The following TSC1 variants were observed in gnomAD, a reference collection of about 807,000 sequenced individuals.
TSC1 encodes the protein TSC complex subunit 1.
In TSC1, 20 loss-of-function variants were observed where a neutral mutation model predicts 124.3. The ratio of observed to expected loss-of-function variants is 0.16; its 90% CI spans 0.11 to 0.23. TSC1 has a LOEUF of 0.23. Among genes scored for constraint, TSC1 ranks in the 10% least tolerant of loss-of-function variants. The pLI is 1.00. For synonymous variants in TSC1, 493 were observed against 539.1 expected, an observed-to-expected ratio of 0.91 and a Z score of 1.19; for missense variants, 1,124 against 1,448.5, an observed-to-expected ratio of 0.78 and a Z score of 3.64.
At chr9:132,927,172 T>A in intron 4 of TSC1, 29 bp downstream of exon 4, 1 of 1,606,302 alleles carries the variant, frequency 6.2e-7, no homozygotes, top group Non-Finnish European at 8.5e-7. Context: ...GAAGAACATA[T>A]GAAATGCCTA....
Position 132,897,612 on chromosome 9 carries a change from T to TCAA in TSC1, c.2626-3_2626-2insTTG. On this transcript the variant is annotated splice_region_variant and splice_polypyrimidine_tract_variant and intron_variant, in intron 20 of 22. Coordinates refer to ENST00000298552, the MANE Select transcript of TSC1 (RefSeq NM_000368.5). The stretch of plus-strand genomic sequence containing the variant: ...GGCGGCTTTCATCATTTCTACTTCC[T>TCAA]GAAAAAAAAAAAAAAAAAAGACTGG... 2.2e-6 allele frequency: 2 copies of TCAA among 914,532 alleles called. No homozygotes were observed. Among genetic ancestry groups the TCAA allele is most frequent in the Non-Finnish European group, 2.9e-6 (2 of 685,776 alleles). The allele number at this position is 914,532 out of a possible 1,614,324, so 56.7% of individuals were successfully genotyped here. A position where few individuals can be genotyped will look rare whatever the true frequency, so the allele number is the denominator to read the frequency against.
chr9:132,931,929 G>A (rs1206012310), intron 2 of TSC1, among the ~76,000 whole-genome samples: 1 of 152,194 alleles, frequency 6.6e-6, no homozygotes, highest in Non-Finnish European at 1.5e-5. Context: ...ACACTTTACA[G>A]CCTATAGAAG....
In TSC1 at chr9:132,903,480, T is replaced by C. The variant is rs2519757; in HGVS notation, c.2208+171A>G. On this transcript the variant is annotated intron_variant, in intron 17 of 22. Transcript: ENST00000298552. This position sits in a 1 kb window ranked among gnomAD's most constrained non-coding sequence, Gnocchi z 5.9. ...TTGTCCCCACGGTTTCTGAGAATTA[T>C]GAGGGAATTCCGAGGTGTCACCATT... Among the ~76,000 whole-genome samples the C allele has an allele frequency of 0.045, 6,898 of 152,300 alleles. 212 individuals are homozygous for C. The highest frequency in any genetic ancestry group is 0.068 in the Non-Finnish European group (4,626 of 68,014).
Position 132,896,488 on chromosome 9 carries a change from A to T in TSC1, c.3242T>A (p.Leu1081His), listed in dbSNP as rs2131599348. The change falls in exon 23 of 23, where the codon CTT (leucine) becomes CAT (histidine). Residue 1081 changes from leucine to histidine, a missense_variant. By Grantham distance (99) the Leu-to-His change is moderately conservative (BLOSUM62 -3). This residue lies in a region of TSC1 where 325 missense variants were observed against 383.4 expected (regional missense o/e 0.85). Transcript: ENST00000298552. The surrounding 1 kb of genome is among the most constrained non-coding windows in gnomAD (Gnocchi z 4.5). ...ACCCAGGAAGCTTTTTGAACTGGGA[A>T]GTGAGCCCACAGTGGTGGGGATGCT... ...SASIPTTVGS[L>H]PSSKSFLGMK... 1 of 1,614,234 alleles carries T rather than the reference A, an allele frequency of 6.2e-7. No individual in the cohort carries two copies. The highest frequency in any genetic ancestry group is 8.5e-7 in the Non-Finnish European group (1 of 1,180,044).
intron 2 of TSC1, among the ~76,000 whole-genome samples, chr9:132,932,892 C>T (rs1847273738): frequency 1.3e-5 from 2 of 152,168 alleles, no homozygotes; most frequent in Non-Finnish European, 2.9e-5. Flanking sequence ...ATAAAAGATA[C>T]TTTGTAATTC....
chr9:132,922,453 T>C (rs1402025225), intron 6 of TSC1, among the ~76,000 whole-genome samples: 1 of 152,222 alleles, frequency 6.6e-6, no homozygotes, highest in African/African-American at 2.4e-5. Context: ...AGAATGAATG[T>C]GTGAGACTCT....
At chr9:132,935,950 C>T (rs1490490539) in intron 1 of TSC1, among the ~76,000 whole-genome samples, 1 of 152,190 alleles carries the variant, frequency 6.6e-6, no homozygotes, top group Non-Finnish European at 1.5e-5. Context: ...GTGTCACTTA[C>T]CACAACCCAA....
intron 16 of TSC1, 135 bp downstream of exon 16, chr9:132,904,276 C>T: frequency 1.0e-6 from 1 of 982,938 alleles, no homozygotes; most frequent in Non-Finnish European, 1.6e-6. Context: ...ATCCTTTAGC[C>T]AAGCAGATAG....
At position 132,892,683 on chromosome 9, in the gene TSC1, T is replaced by G. The variant is rs1170880314; in HGVS notation, c.*3552A>C. 4.3e-6 allele frequency: 1 copy of G among 233,224 alleles called. No homozygotes were observed. Among genetic ancestry groups the G allele is most frequent in the Non-Finnish European group, 8.5e-6 (1 of 118,072 alleles). 14.4% of individuals were successfully genotyped at this position (233,224 alleles called of 1,614,324 possible). A position where few individuals can be genotyped will look rare whatever the true frequency, so the allele number is the denominator to read the frequency against. On this transcript the variant is annotated 3_prime_UTR_variant, in exon 23 of 23. Coordinates refer to ENST00000298552, the MANE Select transcript of TSC1 (RefSeq NM_000368.5). ...GAGTCTCATTACGCAGAACTTTTGT[T>G]TGCTCTTCGGTTCTTTCCTTCTTCA...
At chr9:132,922,586 C>T (rs891463538) in intron 6 of TSC1, among the ~76,000 whole-genome samples, 14 of 152,146 alleles carry the variant, frequency 9.2e-5, no homozygotes, top group Non-Finnish European at 1.9e-4. Flanking sequence ...TTTAGCCTTA[C>T]CTAGACCCTG....
At chr9:132,938,290 T>C (rs1241813956) in intron 1 of TSC1, among the ~76,000 whole-genome samples, 1 of 152,238 alleles carries the variant, frequency 6.6e-6, no homozygotes, top group African/African-American at 2.4e-5. Flanking sequence ...GGAATGCAGA[T>C]GGAAACACCT....
At chr9:132,938,105 C>T (rs918629883) in intron 1 of TSC1, among the ~76,000 whole-genome samples, 5 of 152,176 alleles carry the variant, frequency 3.3e-5, no homozygotes, top group Non-Finnish European at 7.3e-5. Flanking sequence ...AAATTGGTAG[C>T]AATTTTATGT....
At chr9:132,898,311 A>G (rs889204076) in intron 20 of TSC1, among the ~76,000 whole-genome samples, 2 of 152,266 alleles carry the variant, frequency 1.3e-5, no homozygotes, top group Non-Finnish European at 2.9e-5. Context: ...GAGCAAGTAC[A>G]CACTAATGCT....
chr9:132,900,599 C>A, intron 20 of TSC1, 116 bp downstream of exon 20: 5 of 1,547,024 alleles, frequency 3.2e-6, no homozygotes, highest in South Asian at 1.1e-5. Context: ...GTGGGACTGC[C>A]GCTCCGTCTT....
chr9:132,911,605 T>C, intron 9 of TSC1, 37 bp from the exon 10 acceptor site: 1 of 871,394 alleles, frequency 1.1e-6, no homozygotes, highest in Non-Finnish European at 1.9e-6. Flanking sequence ...GGTTAGTGTG[T>C]GGTTTTAGGT....
In TSC1 at chr9:132,927,295, G is replaced by C. The variant is rs770831962; in HGVS notation, c.116C>G (p.Pro39Arg). 2 of 1,613,692 alleles carry C rather than the reference G, an allele frequency of 1.2e-6. No homozygotes were observed. The highest frequency in any genetic ancestry group is 1.7e-6 in the Non-Finnish European group (2 of 1,179,798). ...ATCCACCAAGGTGTTTACAAGCATA[G>C]GGCCACGGTCTAAATCAAGAAAAGG... The part of the protein sequence containing the change: ...FKENLNSDRG[P>R]MLVNTLVDYY... Residue 39 changes from proline to arginine, a missense_variant, in exon 4 of 23, where the codon CCT becomes CGT. Transcript: ENST00000298552.
At chr9:132,907,559 G>A (rs1356369147) in intron 12 of TSC1, among the ~76,000 whole-genome samples, 189 bp from the exon 13 acceptor site, 2 of 147,442 alleles carry the variant, frequency 1.4e-5, no homozygotes, top group Admixed American at 6.7e-5. Flanking sequence ...GCACAATCTC[G>A]GCTCACTGCA....
In TSC1 at chr9:132,917,584, C is replaced by T. The variant is rs533935652; in HGVS notation, c.737+3779G>A. Among the ~76,000 whole-genome samples, 12 of 152,180 alleles carry T rather than the reference C, an allele frequency of 7.9e-5. No individual in the cohort carries two copies. In the East Asian group the frequency reaches 1.2e-3, roughly 15 times the overall value. ...TGACCTCAAGAGATCCTCCCCCGTC[C>T]GCCTCCCAAAGTGCTAGGATTACAG... On this transcript the variant is annotated intron_variant, in intron 8 of 22. Coordinates refer to ENST00000298552, the MANE Select transcript of TSC1 (RefSeq NM_000368.5).
rs371648887 is a variant in TSC1, at chr9:132,911,033, T to A, written c.1110A>T (p.Ser370=). The change falls in exon 11 of 23, where the codon TCA becomes TCT. Residue 370 remains serine (S), a synonymous_variant. Coordinates refer to ENST00000298552, the MANE Select transcript of TSC1 (RefSeq NM_000368.5). Reference sequence around the variant, plus strand: ...TACCAAAGACTTTACTGTAAGGGTGTGACAGATCAGGTGGGACATTTCCAG... The same window carrying A: ...TACCAAAGACTTTACTGTAAGGGTGAGACAGATCAGGTGGGACATTTCCAG... The part of the protein sequence containing the change: ...TSPGNVPPDL[S]HPYSKVFGTT... 11 of 1,614,020 alleles carry A rather than the reference T, an allele frequency of 6.8e-6. No homozygotes were observed. In the African/African-American group the frequency reaches 1.3e-4, roughly 20 times the overall value.
Sources: gnomAD v4.1 joint callset for allele counts (sites outside exome capture counted in the v4.1 genomes callset) on GRCh38, gnomAD v4.1.1 for gene constraint, gnomAD v4.1.1 regional missense constraint, Gnocchi (gnomAD v3.1) non-coding constraint, MANE v1.5 for transcripts, NCBI Gene and HGNC (gene_info 2026-07-23, HGNC 2026-07-21) for gene names.